The following CEP112 variants were observed in gnomAD, a reference collection of about 807,000 sequenced individuals.
The protein encoded by CEP112 is centrosomal protein of 112 kDa.
A neutral mutation model predicts 153.0 loss-of-function variants in CEP112; 127 were observed. The observed-to-expected ratio is 0.83, with a 90% CI of 0.72 to 0.96. The LOEUF is 0.96. CEP112 is among the 40% of genes least tolerant of loss of function. The probability of loss-of-function intolerance (pLI) is 0.00; values close to 1 mark genes in which losing one functional copy is unlikely to be tolerated. For synonymous variants in CEP112, 358 were observed against 374.4 expected, an observed-to-expected ratio of 0.96 and a Z score of 0.51; for missense variants, 1,089 against 1,101.2, an observed-to-expected ratio of 0.99 and a Z score of 0.16.
At chr17:66,074,345 G>A (rs1775643522) in intron 8 of CEP112, among the ~76,000 whole-genome samples, 2 of 152,080 alleles carry the variant, frequency 1.3e-5, no homozygotes, top group Non-Finnish European at 2.9e-5. Context: ...TTTGGAAACT[G>A]TGAAACAAAA....
intron 24 of CEP112, among the ~76,000 whole-genome samples, chr17:65,641,781 T>TCAGG (rs1173550262): frequency 6.6e-6 from 1 of 152,044 alleles, no homozygotes; most frequent in Non-Finnish European, 1.5e-5. Flanking sequence ...CTCCAAACTG[T>TCAGG]CAGGTAGTTG....
chr17:65,647,226 T>C (rs1341775940), intron 24 of CEP112, among the ~76,000 whole-genome samples: 21 of 142,106 alleles, frequency 1.5e-4, no homozygotes, highest in Non-Finnish European at 2.4e-4. Flanking sequence ...CAGGCTGGAG[T>C]GCAATGGCGC....
At chr17:65,990,789 A>T (rs2063567718) in intron 17 of CEP112, among the ~76,000 whole-genome samples, 1 of 152,238 alleles carries the variant, frequency 6.6e-6, no homozygotes, top group South Asian at 2.1e-4. Context: ...CAACCTACTG[A>T]GACACCAGCC....
intron 8 of CEP112, among the ~76,000 whole-genome samples, chr17:66,095,744 C>T (rs1044898178): frequency 6.6e-6 from 1 of 152,130 alleles, no homozygotes; most frequent in African/African-American, 2.4e-5. Context: ...ACAATGTATA[C>T]ATATTTCAAA....
intron 4 of CEP112, among the ~76,000 whole-genome samples, chr17:66,157,006 C>A (rs2071472801): frequency 6.6e-6 from 1 of 152,092 alleles, no homozygotes; most frequent in Non-Finnish European, 1.5e-5. Context: ...AACCAATATT[C>A]AAATTCAGGA....
At chr17:65,865,624 G>A (rs901938377) in intron 20 of CEP112, among the ~76,000 whole-genome samples, 5 of 152,266 alleles carry the variant, frequency 3.3e-5, no homozygotes, top group Admixed American at 6.5e-5. Context: ...CCACCAGCAC[G>A]TGGCTGAAGG....
intron 24 of CEP112, 199 bp downstream of exon 24, chr17:65,688,930 G>A (rs1478376994): frequency 1.2e-5 from 5 of 403,780 alleles, no homozygotes; most frequent in Middle Eastern, 6.6e-4. Context: ...ACCACACCCA[G>A]TTAATTTTTG....
intron 21 of CEP112, among the ~76,000 whole-genome samples, chr17:65,821,018 G>C (rs922367479): frequency 3.3e-5 from 5 of 151,712 alleles, no homozygotes; most frequent in Admixed American, 2.0e-4. Flanking sequence ...AAATACCATA[G>C]ATGAATATTA....
At chr17:65,806,188 CCAGG>C (rs1354854734) in intron 21 of CEP112, among the ~76,000 whole-genome samples, 1 of 152,082 alleles carries the variant, frequency 6.6e-6, no homozygotes, top group East Asian at 1.9e-4. Context: ...CTAAAACATG[CCAGG>C]CATGTGCCCA....
chr17:65,669,757 T>G (rs1042567958), intron 24 of CEP112, among the ~76,000 whole-genome samples: 1 of 151,802 alleles, frequency 6.6e-6, no homozygotes, highest in Non-Finnish European at 1.5e-5. Flanking sequence ...CAAAAAATTA[T>G]CCAGGCATGG....
At chr17:65,636,428 G>C (rs2044772044) in intron 26 of CEP112, among the ~76,000 whole-genome samples, 1 of 152,102 alleles carries the variant, frequency 6.6e-6, no homozygotes, top group Non-Finnish European at 1.5e-5. Flanking sequence ...TTGGGGGAAA[G>C]GACTTTGAAG....
At chr17:66,119,113 C>T (rs1290450389) in intron 6 of CEP112, among the ~76,000 whole-genome samples, 1 of 152,058 alleles carries the variant, frequency 6.6e-6, no homozygotes, top group Non-Finnish European at 1.5e-5. Context: ...AACCACCACA[C>T]GTTCTCATTT....
At chr17:65,959,427 T>C (rs1018860420) in intron 18 of CEP112, among the ~76,000 whole-genome samples, 1 of 152,168 alleles carries the variant, frequency 6.6e-6, no homozygotes, top group Admixed American at 6.5e-5. Context: ...TTTTTCCTAG[T>C]CGCAGGACAA....
At chr17:65,924,941 T>C (rs1374943465) in intron 19 of CEP112, among the ~76,000 whole-genome samples, 3 of 152,160 alleles carry the variant, frequency 2.0e-5, no homozygotes, top group Non-Finnish European at 4.4e-5. Flanking sequence ...ACCTCAGTAC[T>C]CTCACCCTTC....
At chr17:65,640,007 T>G (rs1461226816) in intron 25 of CEP112, among the ~76,000 whole-genome samples, 1 of 149,408 alleles carries the variant, frequency 6.7e-6, no homozygotes, top group Non-Finnish European at 1.5e-5. Flanking sequence ...CTGGCTAATT[T>G]TTGTATTTTT....
At chr17:65,694,198 C>T (rs1051793077) in intron 23 of CEP112, among the ~76,000 whole-genome samples, 2 of 152,148 alleles carry the variant, frequency 1.3e-5, no homozygotes, top group Non-Finnish European at 2.9e-5. Flanking sequence ...GTTCTAAAAC[C>T]TGCCCTTTGG....
chr17:65,725,326 T>C (rs917664360), intron 23 of CEP112, among the ~76,000 whole-genome samples: 1 of 152,136 alleles, frequency 6.6e-6, no homozygotes, highest in African/African-American at 2.4e-5. Context: ...TATGTGTATA[T>C]ATATATTTTG....
At chr17:65,738,171 C>T (rs764658896) in intron 23 of CEP112, among the ~76,000 whole-genome samples, 18 of 152,088 alleles carry the variant, frequency 1.2e-4, no homozygotes, top group Non-Finnish European at 1.5e-5. Flanking sequence ...GTGGGAATGG[C>T]GCCACTATGG....
Position 66,149,872 on chromosome 17 carries a change from TTTTTTTTGTTTGTTTG to T in CEP112, c.471-17125_471-17110del, listed in dbSNP as rs1309192304. The stretch of plus-strand genomic sequence containing the variant: ...TCCTTAAGGTGTAAATTTAGGGTTT[TTTTTTTTGTTTGTTTG>T]TTTTTTTTTTTTTTTTTTTTTGAGA... On this transcript the variant is annotated intron_variant, in intron 4 of 26. Coordinates refer to ENST00000535342, the MANE Select transcript of CEP112 (RefSeq NM_001199165.4). 5.3e-3 allele frequency among the ~76,000 whole-genome samples: 429 copies of T among 81,486 alleles called. 2 individuals are homozygous for T. Among genetic ancestry groups the T allele is most frequent in the Non-Finnish European group, 7.2e-3 (299 of 41,538 alleles). The allele number at this position is 81,486 out of a possible 152,430, so 53.5% of individuals were successfully genotyped here.
Sources: allele counts gnomAD v4.1 joint callset (sites outside exome capture counted in the v4.1 genomes callset), GRCh38; gene constraint gnomAD v4.1.1; transcripts MANE v1.5; gene names NCBI Gene and HGNC (gene_info 2026-07-23, HGNC 2026-07-21).